The following BRIP1 variants were observed in gnomAD, a reference collection of about 807,000 sequenced individuals.
The protein encoded by BRIP1 is Fanconi anemia group J protein.
BRIP1 carries 88 observed loss-of-function variants against 119.7 expected under a neutral mutation model. That is an observed-to-expected ratio of 0.74 (90% CI 0.62 to 0.88). The LOEUF is 0.88. BRIP1 is among the 40% of genes least tolerant of loss of function. The pLI is 0.00. For missense variants in BRIP1, 1,259 were observed against 1,455.4 expected (o/e 0.87, Z 2.20); for synonymous variants, 443 against 496.5 (o/e 0.89, Z 1.43).
rs536488909 is a variant in BRIP1 at position 61,729,295 on chromosome 17, A to AAAAC, written c.2380-13236_2380-13233dup. Among the ~76,000 whole-genome samples the AAAAC allele has an allele frequency of 5.8e-3, 889 of 152,202 alleles. 5 individuals carry two copies. The highest frequency in any genetic ancestry group is 8.5e-3 in the Non-Finnish European group (575 of 67,988). On this transcript the variant is annotated intron_variant, in intron 16 of 19. Transcript: ENST00000259008. The surrounding 1 kb of genome is among the most constrained non-coding windows in gnomAD (Gnocchi z 5.6). ...CTCCGTCTCAAAAACAAAACAAAAC[A>AAAAC]AAACAAACAAACAAACAAAAAAGAA...
intron 8 of BRIP1, 67 bp downstream of exon 8, chr17:61,801,186 C>A (rs1387480626): frequency 1.4e-6 from 2 of 1,451,256 alleles, no homozygotes; most frequent in Admixed American, 1.7e-5. Flanking sequence ...CATCTAAAAG[C>A]TTTTACATTC....
In BRIP1 at chr17:61,808,809, G is replaced by A. The variant is rs765540025; in HGVS notation, c.628-52C>T. ...TAATATCTAAACTACCATAAAAAAC[G>A]TTATCAAACCTCACATGGAATCAGA... On this transcript the variant is annotated intron_variant, in intron 6 of 19. Coordinates refer to ENST00000259008, the MANE Select transcript of BRIP1 (RefSeq NM_032043.3). The surrounding 1 kb of genome is among the most constrained non-coding windows in gnomAD (Gnocchi z 4.1). 40 of 1,550,856 alleles carry A rather than the reference G, an allele frequency of 2.6e-5. No individual in the cohort carries two copies. The Admixed American group carries it at 4.4e-4, about 17-fold the overall frequency.
rs371483137 is a variant in BRIP1 at position 61,846,667 on chromosome 17, G to A, written c.627+434C>T. ...CTCCCAAAGTGCTGGGATTACAGGC[G>A]TGAGCCACCACGCCTGGCCTACAAC... On this transcript the variant is annotated intron_variant, in intron 6 of 19. Coordinates refer to ENST00000259008, the MANE Select transcript of BRIP1 (RefSeq NM_032043.3). The surrounding 1 kb of genome is among the most constrained non-coding windows in gnomAD (Gnocchi z 4.3). 8.1e-6 allele frequency among the ~76,000 whole-genome samples: 1 copy of A among 123,946 alleles called. No individual in the cohort carries two copies. Among genetic ancestry groups the A allele is most frequent in the Non-Finnish European group, 1.5e-5 (1 of 67,806 alleles). 81.3% of individuals were successfully genotyped at this position (123,946 alleles called of 152,430 possible).
intron 18 of BRIP1, among the ~76,000 whole-genome samples, chr17:61,688,019 C>G (rs1003981874): frequency 1.3e-5 from 2 of 152,158 alleles, no homozygotes; most frequent in Admixed American, 1.3e-4. Context: ...GCAACAGAGG[C>G]CCATATAGTT....
rs569356826 is a variant in BRIP1 at position 61,829,883 on chromosome 17, A to G, written c.627+17218T>C. 1.4e-4 allele frequency among the ~76,000 whole-genome samples: 21 copies of G among 151,516 alleles called. 1 individual carries two copies. Among genetic ancestry groups the G allele is most frequent in the Admixed American group, 7.2e-4 (11 of 15,204 alleles). ...AGCTTTCATTGGTGTTTTATTTAGG[A>G]AAAAAAAAGGTCCAAAATCAGTTAT... On this transcript the variant is annotated intron_variant, in intron 6 of 19. Transcript: ENST00000259008.
At position 61,845,872 on chromosome 17, in the gene BRIP1, A is replaced by C. The variant is rs190679335; in HGVS notation, c.627+1229T>G. Among the ~76,000 whole-genome samples the C allele has an allele frequency of 5.3e-5, 8 of 152,346 alleles. No homozygotes were observed. The highest frequency in any genetic ancestry group is 1.9e-4 in the African/African-American group (8 of 41,592). On this transcript the variant is annotated intron_variant, in intron 6 of 19. Coordinates refer to ENST00000259008, the MANE Select transcript of BRIP1 (RefSeq NM_032043.3). The surrounding 1 kb of genome is among the most constrained non-coding windows in gnomAD (Gnocchi z 4.2). The stretch of plus-strand genomic sequence containing the variant: ...TACTGCTTCATCAAAGACATTCTTA[A>C]ATGAAACTGGTTTTTTTTCAAAACT...
rs769182180 is a variant in BRIP1 at position 61,743,184 on chromosome 17, C to T, written c.2258-50G>A. 1.3e-6 allele frequency: 2 copies of T among 1,597,808 alleles called. No homozygotes were observed. Among genetic ancestry groups the T allele is most frequent in the African/African-American group, 1.3e-5 (1 of 74,414 alleles). On this transcript the variant is annotated intron_variant, in intron 15 of 19. Transcript: ENST00000259008. The surrounding 1 kb of genome is among the most constrained non-coding windows in gnomAD (Gnocchi z 4.3). ...CCAAAATTCTCAGAAATTGCTTATTCTTGTCATTTTGAAAATACCTGATTT... is the reference window on the plus strand; with the variant it reads ...CCAAAATTCTCAGAAATTGCTTATTTTTGTCATTTTGAAAATACCTGATTT...
In BRIP1 at chr17:61,857,119, A is replaced by T. The variant is rs772283705; in HGVS notation, c.318T>A (p.Arg106=). 1 of 1,614,172 alleles carries T rather than the reference A, an allele frequency of 6.2e-7. No homozygotes were observed. Among genetic ancestry groups the T allele is most frequent in the East Asian group, 2.2e-5 (1 of 44,876 alleles). Residue 106 remains arginine (R), a synonymous_variant, in exon 4 of 20, where the codon CGT becomes CGA. Transcript: ENST00000259008. The surrounding 1 kb of genome is among the most constrained non-coding windows in gnomAD (Gnocchi z 5.1). ...GTGGTGTGCTTGGATAGTTGAAATG[A>T]CGTGAAGTTCCTTGGTTCATGTCAT... ...TNNDMNQGTS[R]HFNYPSTPPS...
chr17:61,850,736 G>A (rs561463933), intron 4 of BRIP1, among the ~76,000 whole-genome samples: 4 of 152,082 alleles, frequency 2.6e-5, no homozygotes, highest in African/African-American at 9.6e-5. Context: ...GTTGAGGCAT[G>A]AGAATCTCTT....
intron 16 of BRIP1, among the ~76,000 whole-genome samples, chr17:61,741,942 TC>T (rs1390578062): frequency 6.6e-6 from 1 of 152,238 alleles, no homozygotes; most frequent in Non-Finnish European, 1.5e-5. Context: ...TGACTTCTCC[TC>T]TCTAGCTATG....
chr17:61,687,691 T>C lies in BRIP1; in HGVS notation c.2576-1526A>G, dbSNP rs186794860. ...AGCTCTTTAGTAATCACTCCTGGTA[T>C]TGACTCTGAAAACTGTTTACTGTTG... On this transcript the variant is annotated intron_variant, in intron 18 of 19. Transcript: ENST00000259008. This position sits in a 1 kb window ranked among gnomAD's most constrained non-coding sequence, Gnocchi z 5.1. Among the ~76,000 whole-genome samples the C allele has an allele frequency of 4.6e-5, 7 of 152,288 alleles. No individual in the cohort carries two copies. The East Asian group carries it at 1.4e-3, about 29-fold the overall frequency.
At position 61,743,049 on chromosome 17, in the gene BRIP1, T is replaced by A. The variant is rs772636536; in HGVS notation, c.2343A>T (p.Thr781=). The A allele has an allele frequency of 6.2e-7, 1 of 1,614,048 alleles. No individual in the cohort carries two copies. The highest frequency in any genetic ancestry group is 8.5e-7 in the Non-Finnish European group (1 of 1,179,948). The change falls in exon 16 of 20, where the codon ACA becomes ACT. Residue 781 remains threonine, a synonymous_variant. Coordinates refer to ENST00000259008, the MANE Select transcript of BRIP1 (RefSeq NM_032043.3). This position sits in a 1 kb window ranked among gnomAD's most constrained non-coding sequence, Gnocchi z 4.3. ...TCACATTTGGAAAAGGAATTCCTAT[T>A]GTTATGACAGCACGGGCATTGTCAT... The part of the protein sequence containing the change: ...FSDDNARAVI[T]IGIPFPNVKD...
rs539018170 is a variant in BRIP1 at position 61,706,540 on chromosome 17, A to T, written c.2492+9411T>A. On this transcript the variant is annotated intron_variant, in intron 17 of 19. Transcript: ENST00000259008. The surrounding 1 kb of genome is among the most constrained non-coding windows in gnomAD (Gnocchi z 5.7). ...CATTCCTCAGAAACAATTACTTTCA[A>T]TATTTTAGGTAGATCTTCTGGTTAT... Among the ~76,000 whole-genome samples, 244 of 152,282 alleles carry T rather than the reference A, an allele frequency of 1.6e-3. 1 individual carries two copies. The highest frequency in any genetic ancestry group is 2.3e-3 in the Non-Finnish European group (158 of 67,994).
At chr17:61,731,466 G>C in intron 16 of BRIP1, among the ~76,000 whole-genome samples, 1 of 152,168 alleles carries the variant, frequency 6.6e-6, no homozygotes, top group East Asian at 1.9e-4. Context: ...ATGGCATACA[G>C]AGTCCTAAGT....
At position 61,683,664 on chromosome 17, in the gene BRIP1, C is replaced by G. The variant is rs45552539; in HGVS notation, c.3382G>C (p.Glu1128Gln). Residue 1128 changes from glutamate (E) to glutamine (Q), a missense_variant, in exon 20 of 20, where the codon GAA (glutamate) becomes CAA (glutamine). Transcript: ENST00000259008. This position sits in a 1 kb window ranked among gnomAD's most constrained non-coding sequence, Gnocchi z 4.7. ...AGTTCAGGTGTAAAATAGATAGATTCATCTTCTGCTTCTGTTTCAAAATCT... is the reference window on the plus strand; with the variant it reads ...AGTTCAGGTGTAAAATAGATAGATTGATCTTCTGCTTCTGTTTCAAAATCT... ...NRDFETEAEDESIYFTPELYD... is the reference protein window; with the variant it reads ...NRDFETEAEDQSIYFTPELYD... 1.9e-6 allele frequency: 3 copies of G among 1,613,314 alleles called. No homozygotes were observed. Among genetic ancestry groups the G allele is most frequent in the East Asian group, 2.2e-5 (1 of 44,872 alleles).
At chr17:61,855,997 T>C (rs1427313048) in intron 4 of BRIP1, among the ~76,000 whole-genome samples, 1 of 152,174 alleles carries the variant, frequency 6.6e-6, no homozygotes, top group Non-Finnish European at 1.5e-5. Context: ...GGAAGTCACA[T>C]GTAAACTGAG....
intron 16 of BRIP1, among the ~76,000 whole-genome samples, chr17:61,733,228 A>G (rs1025618448): frequency 2.0e-5 from 3 of 152,216 alleles, no homozygotes; most frequent in African/African-American, 7.2e-5. Context: ...GTTAGATTTA[A>G]GAATTCTAAT....
chr17:61,814,682 T>C lies in BRIP1; in HGVS notation c.628-5925A>G, dbSNP rs1348903748. Among the ~76,000 whole-genome samples, 2 of 152,010 alleles carry C rather than the reference T, an allele frequency of 1.3e-5. No individual in the cohort carries two copies. Among genetic ancestry groups the C allele is most frequent in the Non-Finnish European group, 2.9e-5 (2 of 67,910 alleles). On this transcript the variant is annotated intron_variant, in intron 6 of 19. Transcript: ENST00000259008. The surrounding 1 kb of genome is among the most constrained non-coding windows in gnomAD (Gnocchi z 4.9). ...ATTGGTGATCTAGTGAAATCAAAGATACATATACCCTTTGACCCAGCATGA... is the reference window on the plus strand; with the variant it reads ...ATTGGTGATCTAGTGAAATCAAAGACACATATACCCTTTGACCCAGCATGA...
At chr17:61,782,123 C>T (rs572030721) in intron 11 of BRIP1, among the ~76,000 whole-genome samples, 5 of 152,006 alleles carry the variant, frequency 3.3e-5, no homozygotes, top group Middle Eastern at 3.4e-3. Flanking sequence ...CGATGGCTCA[C>T]GCCTGTAATC....
Sources: allele counts gnomAD v4.1 joint callset (sites outside exome capture counted in the v4.1 genomes callset), GRCh38; gene constraint gnomAD v4.1.1; non-coding constraint Gnocchi (gnomAD v3.1); transcripts MANE v1.5; gene names NCBI Gene and HGNC (gene_info 2026-07-23, HGNC 2026-07-21).